The following ABR variants were observed in gnomAD, a reference collection of about 807,000 sequenced individuals.
ABR encodes ABR activator of RhoGEF and GTPase.
Under a neutral mutation model 107.2 loss-of-function variants are expected in ABR, and 35 were observed. The observed-to-expected ratio is 0.33, with a 90% CI of 0.25 to 0.43. ABR has a LOEUF of 0.43. Among genes scored for constraint, ABR ranks in the 20% least tolerant of loss-of-function variants. ABR has a pLI of 1.00. For synonymous variants in ABR, 498 were observed against 462.0 expected (o/e 1.08, Z -1.00); for missense variants, 815 against 1,115.2 (o/e 0.73, Z 3.83).
chr17:1,150,147 G>A lies in ABR; in HGVS notation c.62-24780C>T, dbSNP rs538591293. Among the ~76,000 whole-genome samples, 41 of 151,580 alleles carry A rather than the reference G, an allele frequency of 2.7e-4. No homozygotes were observed. The highest frequency in any genetic ancestry group is 5.3e-4 in the African/African-American group (22 of 41,302). On this transcript the variant is annotated intron_variant, in intron 1 of 22. Transcript: ENST00000302538. This position sits in a 1 kb window ranked among gnomAD's most constrained non-coding sequence, Gnocchi z 4.8. The stretch of plus-strand genomic sequence containing the variant: ...CTTGCCCGGTGTCTTCTCAAGGGCT[G>A]ACACACTTCTCAAAGCGCTGAGATT...
intron 2 of ABR, 88 bp from the exon 3 acceptor site, chr17:1,100,823 C>T (rs1014841338): frequency 3.0e-5 from 38 of 1,267,996 alleles, no homozygotes; most frequent in South Asian, 1.9e-4. Flanking sequence ...CCTTCCCCCC[C>T]GACCTTTATT....
At chr17:1,068,679 G>C (rs960587551) in intron 9 of ABR, among the ~76,000 whole-genome samples, 3 of 152,214 alleles carry the variant, frequency 2.0e-5, no homozygotes, top group Non-Finnish European at 2.9e-5. Flanking sequence ...GAGAGAAGGA[G>C]GCTCAAAGGA....
chr17:1,006,079 G>T lies in ABR; in HGVS notation c.*1C>A, dbSNP rs772988592. ...CCCGCCCGCAGCCACCCTGCCTCGGGCTACACGTCGGTGGAGAAGTACAGT... is the reference window on the plus strand; with the variant it reads ...CCCGCCCGCAGCCACCCTGCCTCGGTCTACACGTCGGTGGAGAAGTACAGT... On this transcript the variant is annotated 3_prime_UTR_variant, in exon 23 of 23. Transcript: ENST00000302538. The T allele has an allele frequency of 1.3e-6, 2 of 1,563,472 alleles. No homozygotes were observed. The highest frequency in any genetic ancestry group is 1.4e-5 in the African/African-American group (1 of 73,800).
At position 1,037,166 on chromosome 17, in the gene ABR, G is replaced by A. The variant is rs925317055; in HGVS notation, c.1791+12884C>T. ...GAGAGGGGTCCAGGGTGGGCTCAAG[G>A]TTGAAGATGGGCACAGTGTAAGGAA... On this transcript the variant is annotated intron_variant, in intron 16 of 22. Coordinates refer to ENST00000302538, the MANE Select transcript of ABR (RefSeq NM_021962.5). The surrounding 1 kb of genome is among the most constrained non-coding windows in gnomAD (Gnocchi z 4.6). Among the ~76,000 whole-genome samples, 1 of 152,188 alleles carries A rather than the reference G, an allele frequency of 6.6e-6. No homozygotes were observed. Among genetic ancestry groups the A allele is most frequent in the Non-Finnish European group, 1.5e-5 (1 of 68,042 alleles).
At chr17:1,108,282 G>A (rs1422330013) in intron 2 of ABR, among the ~76,000 whole-genome samples, 1 of 152,188 alleles carries the variant, frequency 6.6e-6, no homozygotes. Flanking sequence ...AAGGGATTCT[G>A]GCCACCACTG....
rs2072292248 is a variant in ABR, at chr17:1,027,535, G to A, written c.1792-14371C>T. Reference sequence around the variant, plus strand: ...CAGAGAGATCAGAGAGTACTCATGAGGCCCCAGCAGTGAGGTCTGCCCACT... The same window carrying A: ...CAGAGAGATCAGAGAGTACTCATGAAGCCCCAGCAGTGAGGTCTGCCCACT... On this transcript the variant is annotated intron_variant, in intron 16 of 22. Transcript: ENST00000302538. This position sits in a 1 kb window ranked among gnomAD's most constrained non-coding sequence, Gnocchi z 4.7. Among the ~76,000 whole-genome samples, 1 of 152,210 alleles carries A rather than the reference G, an allele frequency of 6.6e-6. No homozygotes were observed. Among genetic ancestry groups the A allele is most frequent in the Non-Finnish European group, 1.5e-5 (1 of 68,036 alleles).
At chr17:1,191,354 C>CTTTTTTTTTTTTT (rs761910557), upstream of ABR, among the ~76,000 whole-genome samples, 24 of 96,476 alleles carry the variant, frequency 2.5e-4, no homozygotes, top group Non-Finnish European at 3.5e-4. Flanking sequence ...TTTTTCTTTT[C>CTTTTTTTTTTTTT]TTTTTTTTTT....
intron 6 of ABR, among the ~76,000 whole-genome samples, chr17:1,076,849 T>C (rs895245151): frequency 1.3e-4 from 19 of 151,876 alleles, no homozygotes; most frequent in African/African-American, 3.9e-4. Context: ...GAACTCAGGG[T>C]GAGGCACTCG....
intron 1 of ABR, among the ~76,000 whole-genome samples, chr17:1,218,776 G>GATGA (rs1340375828): frequency 6.6e-6 from 1 of 152,192 alleles, no homozygotes; most frequent in Non-Finnish European, 1.5e-5. Context: ...TGCTGTAAGT[G>GATGA]ATGAGTAGGT....
intron 16 of ABR, among the ~76,000 whole-genome samples, chr17:1,030,817 G>T (rs1378577782): frequency 6.6e-6 from 1 of 152,262 alleles, no homozygotes; most frequent in Admixed American, 6.5e-5. Context: ...TGGCCAGCCG[G>T]ACTGGCACTC....
chr17:1,056,960 G>T, intron 13 of ABR, 38 bp downstream of exon 13: 1 of 1,466,736 alleles, frequency 6.8e-7, no homozygotes, highest in Non-Finnish European at 9.5e-7. Flanking sequence ...TGAGGGCTGG[G>T]ACCTGCCGGT....
At chr17:1,162,240 C>A (rs1183347115) in intron 1 of ABR, among the ~76,000 whole-genome samples, 6 of 152,236 alleles carry the variant, frequency 3.9e-5, no homozygotes, top group Non-Finnish European at 8.8e-5. Flanking sequence ...ACGTCGCCAG[C>A]ATCCAGCTTC....
chr17:1,213,413 G>A (rs919182904), intron 1 of ABR, among the ~76,000 whole-genome samples: 6 of 151,974 alleles, frequency 3.9e-5, no homozygotes, highest in South Asian at 4.1e-4. Flanking sequence ...TTTTTGAGAC[G>A]GAGTCTCGCT....
intron 16 of ABR, 99 bp downstream of exon 16, chr17:1,049,951 C>T (rs970506505): frequency 2.4e-5 from 36 of 1,487,714 alleles, no homozygotes; most frequent in Non-Finnish European, 3.2e-5. Flanking sequence ...AGCTTGGAAC[C>T]AAAATCACGA....
intron 1 of ABR, among the ~76,000 whole-genome samples, chr17:1,219,149 T>G (rs1430773735): frequency 1.3e-5 from 2 of 152,136 alleles, no homozygotes; most frequent in African/African-American, 4.8e-5. Flanking sequence ...TTCAGGCAAT[T>G]ATCCTGCCTC....
chr17:1,007,445 G>A, intron 21 of ABR, 133 bp from the exon 22 acceptor site: 1 of 1,078,450 alleles, frequency 9.3e-7, no homozygotes, highest in Non-Finnish European at 1.3e-6. Flanking sequence ...TCTCCTAGGA[G>A]TGGGGACCTC....
intron 16 of ABR, among the ~76,000 whole-genome samples, chr17:1,029,424 TG>T (rs1019567442): frequency 2.0e-5 from 3 of 152,156 alleles, no homozygotes; most frequent in African/African-American, 7.2e-5. Context: ...CCTTTCCATC[TG>T]AACAGATTGT....
At chr17:1,109,315 G>A (rs1251456879) in intron 2 of ABR, among the ~76,000 whole-genome samples, 1 of 151,748 alleles carries the variant, frequency 6.6e-6, no homozygotes, top group Non-Finnish European at 1.5e-5. Context: ...CGCCGTGCCC[G>A]GCCCGTGGCG....
chr17:1,181,636 G>A (rs577722649), upstream of ABR, among the ~76,000 whole-genome samples: 1 of 152,340 alleles, frequency 6.6e-6, no homozygotes, highest in African/African-American at 2.4e-5. Flanking sequence ...TAGAGCTTCG[G>A]CATGGGAAGG....
Sources: gnomAD v4.1 joint callset for allele counts (sites outside exome capture counted in the v4.1 genomes callset) on GRCh38, gnomAD v4.1.1 for gene constraint, Gnocchi (gnomAD v3.1) non-coding constraint, MANE v1.5 for transcripts, NCBI Gene and HGNC (gene_info 2026-07-23, HGNC 2026-07-21) for gene names.